KIF18A: variants seen among roughly 807,000 people sequenced by gnomAD.
The protein encoded by KIF18A is kinesin family member 18A.
KIF18A carries 67 observed loss-of-function variants against 103.3 expected under a neutral mutation model. The ratio of observed to expected loss-of-function variants is 0.65; its 90% CI spans 0.53 to 0.79. KIF18A has a LOEUF of 0.79. Among genes scored for constraint, KIF18A ranks in the 30% least tolerant of loss-of-function variants. The pLI, the probability that KIF18A is intolerant of heterozygous loss-of-function variation, is 0.00. For synonymous variants in KIF18A, 367 were observed against 355.5 expected (o/e 1.03, Z -0.36); for missense variants, 1,032 against 1,062.5 (o/e 0.97, Z 0.40).
intron 13 of KIF18A, among the ~76,000 whole-genome samples, chr11:28,047,357 C>T (rs1220459274): frequency 6.6e-6 from 1 of 152,002 alleles, no homozygotes; most frequent in East Asian, 1.9e-4. Flanking sequence ...CAAGATAAGG[C>T]CTTACGTACT....
At chr11:28,025,313 C>T (rs1850302387) in intron 15 of KIF18A, among the ~76,000 whole-genome samples, 1 of 152,050 alleles carries the variant, frequency 6.6e-6, no homozygotes. Flanking sequence ...GCATATTAAA[C>T]ACACTTTTGT....
intron 13 of KIF18A, among the ~76,000 whole-genome samples, chr11:28,047,556 T>A (rs1183525715): frequency 6.6e-6 from 1 of 152,170 alleles, no homozygotes; most frequent in Non-Finnish European, 1.5e-5. Context: ...AACTTCATTA[T>A]TTTATAATTT....
intron 2 of KIF18A, among the ~76,000 whole-genome samples, chr11:28,095,583 G>A (rs547545920): frequency 2.6e-5 from 4 of 152,308 alleles, no homozygotes; most frequent in African/African-American, 9.6e-5. Flanking sequence ...CACAAAGCAG[G>A]TACTTGAATA....
chr11:28,021,944 T>C (rs1417829693), intron 16 of KIF18A, among the ~76,000 whole-genome samples: 1 of 152,228 alleles, frequency 6.6e-6, no homozygotes, highest in Admixed American at 6.5e-5. Context: ...ACATATTCCC[T>C]TAACACTCTC....
At chr11:28,081,517 C>T (rs776586674) in intron 9 of KIF18A, among the ~76,000 whole-genome samples, 9 of 152,124 alleles carry the variant, frequency 5.9e-5, no homozygotes, top group Non-Finnish European at 1.0e-4. Flanking sequence ...ACAGCACATC[C>T]GTTTACTTAA....
intron 16 of KIF18A, among the ~76,000 whole-genome samples, chr11:28,021,949 ACT>A (rs1480660118): frequency 1.1e-4 from 16 of 151,996 alleles, no homozygotes; most frequent in South Asian, 2.1e-4. Flanking sequence ...TTCCCTTAAC[ACT>A]CTCTGTTATT....
At chr11:28,036,153 C>G (rs188225615) in intron 14 of KIF18A, 64 bp downstream of exon 14, 97 of 1,024,582 alleles carry the variant, frequency 9.5e-5, no homozygotes, top group Non-Finnish European at 1.3e-4. Context: ...ATGAAATAAA[C>G]CTCAACTAAT....
intron 10 of KIF18A, among the ~76,000 whole-genome samples, chr11:28,071,863 T>C (rs902703060): frequency 6.6e-6 from 1 of 152,202 alleles, no homozygotes; most frequent in African/African-American, 2.4e-5. Context: ...AGGCAGCTAA[T>C]TAAATCATCT....
intron 13 of KIF18A, among the ~76,000 whole-genome samples, chr11:28,055,428 A>C (rs1850767527): frequency 6.6e-6 from 1 of 152,174 alleles, no homozygotes; most frequent in South Asian, 2.1e-4. Context: ...AATTTCAGCT[A>C]ATTTCCCCTT....
intron 13 of KIF18A, among the ~76,000 whole-genome samples, chr11:28,053,678 C>T (rs191855763): frequency 1.2e-3 from 178 of 151,936 alleles, no homozygotes; most frequent in South Asian, 8.3e-3. Flanking sequence ...ATAACAGGCC[C>T]CAGTGTATGA....
chr11:28,029,708 G>T (rs1283993985), intron 15 of KIF18A, among the ~76,000 whole-genome samples: 2 of 150,486 alleles, frequency 1.3e-5, no homozygotes, highest in African/African-American at 4.9e-5. Context: ...GGAAATAAAA[G>T]GTATTCAATT....
chr11:28,062,572 A>ACTGATTTAATT, intron 11 of KIF18A, 56 bp from the exon 12 acceptor site: 1 of 1,354,710 alleles, frequency 7.4e-7, no homozygotes, highest in Non-Finnish European at 9.9e-7. Flanking sequence ...TTGAAATTAA[A>ACTGATTTAATT]TCAGTTTAAT....
chr11:28,031,480 A>G (rs1399167829), intron 15 of KIF18A, among the ~76,000 whole-genome samples: 2 of 152,100 alleles, frequency 1.3e-5, no homozygotes, highest in African/African-American at 4.8e-5. Flanking sequence ...GAACTGAACA[A>G]TGAGAACACA....
chr11:28,027,287 T>C (rs1164091596), intron 15 of KIF18A, among the ~76,000 whole-genome samples: 1 of 151,928 alleles, frequency 6.6e-6, no homozygotes, highest in Admixed American at 6.6e-5. Context: ...ATTTATAGGA[T>C]ATAAAGAATG....
chr11:28,083,374 T>TA (rs1180193942), intron 7 of KIF18A, 131 bp from the exon 8 acceptor site: 2 of 999,508 alleles, frequency 2.0e-6, no homozygotes, highest in Non-Finnish European at 2.7e-6. Context: ...TGCTCACATT[T>TA]AAAATCTATG....
chr11:28,023,891 T>A (rs780705673), intron 15 of KIF18A, 41 bp from the exon 16 acceptor site: 3 of 883,000 alleles, frequency 3.4e-6, no homozygotes, highest in Non-Finnish European at 5.6e-6. Context: ...GCATTTTTTT[T>A]ATACCTCAAA....
chr11:28,034,133 T>C (rs1342555545), intron 15 of KIF18A, among the ~76,000 whole-genome samples: 1 of 151,782 alleles, frequency 6.6e-6, no homozygotes, highest in African/African-American at 2.4e-5. Context: ...TGATTAATTT[T>C]AATAGAATCT....
intron 13 of KIF18A, 111 bp downstream of exon 13, chr11:28,058,815 A>T: frequency 1.2e-6 from 1 of 802,086 alleles, no homozygotes; most frequent in Non-Finnish European, 2.0e-6. Flanking sequence ...TTTCCCATTA[A>T]TTTTCATAAA....
chr11:28,025,810 T>C (rs1393906284), intron 15 of KIF18A, among the ~76,000 whole-genome samples: 1 of 151,952 alleles, frequency 6.6e-6, no homozygotes, highest in Non-Finnish European at 1.5e-5. Context: ...TTCCCATAAC[T>C]ATAAATAAAG....
Sources: gnomAD v4.1 joint callset for allele counts (sites outside exome capture counted in the v4.1 genomes callset) on GRCh38, gnomAD v4.1.1 for gene constraint, MANE v1.5 for transcripts, NCBI Gene and HGNC (gene_info 2026-07-23, HGNC 2026-07-21) for gene names.